HHAT: variants seen among roughly 807,000 people sequenced by gnomAD.
The protein encoded by HHAT is protein-cysteine N-palmitoyltransferase HHAT.
HHAT carries 47 observed loss-of-function variants against 70.8 expected under a neutral mutation model. That is an observed-to-expected ratio of 0.66 (90% CI 0.53 to 0.85). The LOEUF (loss-of-function observed/expected upper bound fraction) is 0.85. HHAT is among the 40% of genes least tolerant of loss of function. The pLI is 0.00. For synonymous variants in HHAT, 228 were observed against 247.6 expected, an observed-to-expected ratio of 0.92 and a Z score of 0.74; for missense variants, 609 against 604.8, an observed-to-expected ratio of 1.01 and a Z score of -0.07.
At chr1:210,592,879 C>CTTTTTTTTTTTTTTTT (rs35245794) in intron 10 of HHAT, among the ~76,000 whole-genome samples, 1 of 145,446 alleles carries the variant, frequency 6.9e-6, no homozygotes. Context: ...ACCAACTTTT[C>CTTTTTTTTTTTTTTTT]TTTTTTTTTT....
intron 9 of HHAT, among the ~76,000 whole-genome samples, chr1:210,572,088 T>C (rs1300506138): frequency 2.0e-5 from 3 of 152,250 alleles, no homozygotes; most frequent in African/African-American, 7.2e-5. Context: ...CTGGCACGGC[T>C]GTGTTGGCTA....
At chr1:210,426,207 T>A (rs1373194222) in intron 7 of HHAT, among the ~76,000 whole-genome samples, 3 of 152,226 alleles carry the variant, frequency 2.0e-5, no homozygotes, top group African/African-American at 7.2e-5. Context: ...TCCTGAGACT[T>A]TGCTGAAGTT....
intron 9 of HHAT, among the ~76,000 whole-genome samples, chr1:210,565,483 G>T (rs749095876): frequency 1.3e-5 from 2 of 152,156 alleles, no homozygotes; most frequent in African/African-American, 4.8e-5. Flanking sequence ...AAACAATGTG[G>T]CATTCCTAGT....
chr1:210,567,919 C>T (rs527699951), intron 9 of HHAT, among the ~76,000 whole-genome samples: 10 of 152,204 alleles, frequency 6.6e-5, no homozygotes, highest in Non-Finnish European at 1.5e-4. Flanking sequence ...ATCTTCCTCC[C>T]AGTTTCCTGA....
At chr1:210,476,214 G>A (rs1035907764) in intron 8 of HHAT, among the ~76,000 whole-genome samples, 1 of 152,150 alleles carries the variant, frequency 6.6e-6, no homozygotes, top group African/African-American at 2.4e-5. Flanking sequence ...GTTTTGTGTT[G>A]CTATGCAGAC....
At chr1:210,577,417 C>G (rs957982607) in intron 9 of HHAT, among the ~76,000 whole-genome samples, 2 of 152,034 alleles carry the variant, frequency 1.3e-5, no homozygotes, top group Non-Finnish European at 2.9e-5. Context: ...AATGCTTTTT[C>G]TCCATGTGTT....
At position 210,500,222 on chromosome 1, in the gene HHAT, C is replaced by T. The variant is rs543418660; in HGVS notation, c.1008-12931C>T. Reference sequence around the variant, plus strand: ...CCATAACGAACAGATTCATCAAACACATGTCATGAATAATCACTTGTTGTG... The same window carrying T: ...CCATAACGAACAGATTCATCAAACATATGTCATGAATAATCACTTGTTGTG... On this transcript the variant is annotated intron_variant, in intron 8 of 11. Coordinates refer to ENST00000261458, the MANE Select transcript of HHAT (RefSeq NM_018194.6). Among the ~76,000 whole-genome samples the T allele has an allele frequency of 8.5e-5, 13 of 152,316 alleles. No homozygotes were observed. The South Asian group carries it at 2.3e-3, about 27-fold the overall frequency.
chr1:210,432,025 T>C (rs948501357), intron 7 of HHAT, among the ~76,000 whole-genome samples: 2 of 151,888 alleles, frequency 1.3e-5, no homozygotes, highest in African/African-American at 4.9e-5. Context: ...TCTATATCTG[T>C]TTTCCTGATA....
chr1:210,531,675 C>G (rs2095316140), intron 9 of HHAT, among the ~76,000 whole-genome samples: 1 of 152,206 alleles, frequency 6.6e-6, no homozygotes, highest in African/African-American at 2.4e-5. Flanking sequence ...ATCTGTCCAT[C>G]AGTCCACAAT....
chr1:210,400,936 C>T (rs979204423), intron 5 of HHAT, among the ~76,000 whole-genome samples: 1 of 152,206 alleles, frequency 6.6e-6, no homozygotes, highest in Non-Finnish European at 1.5e-5. Flanking sequence ...CCAGATGTCA[C>T]AGGGCCAGAG....
intron 8 of HHAT, among the ~76,000 whole-genome samples, chr1:210,471,028 C>T (rs1450536332): frequency 1.3e-5 from 2 of 152,130 alleles, no homozygotes; most frequent in Non-Finnish European, 2.9e-5. Flanking sequence ...AATGCTGTAA[C>T]CGTAGCACCC....
At chr1:210,452,758 TATGGTAAATCC>T (rs542986054) in intron 7 of HHAT, among the ~76,000 whole-genome samples, 34 of 152,360 alleles carry the variant, frequency 2.2e-4, no homozygotes, top group African/African-American at 8.2e-4. Context: ...GGTGCTTCTC[TATGGTAAATCC>T]ATGGTAAATC....
At chr1:210,662,404 A>T (rs1396074286) in intron 11 of HHAT, among the ~76,000 whole-genome samples, 1 of 152,228 alleles carries the variant, frequency 6.6e-6, no homozygotes, top group Non-Finnish European at 1.5e-5. Flanking sequence ...TCCCTGTTTC[A>T]GGAAAGTGAC....
At chr1:210,550,320 A>G (rs2095517645) in intron 9 of HHAT, among the ~76,000 whole-genome samples, 2 of 149,438 alleles carry the variant, frequency 1.3e-5, no homozygotes, top group Non-Finnish European at 2.9e-5. Flanking sequence ...CACATGAAAG[A>G]GAAGAAATCT....
At chr1:210,409,797 G>A (rs1040560714) in intron 6 of HHAT, among the ~76,000 whole-genome samples, 4 of 152,206 alleles carry the variant, frequency 2.6e-5, no homozygotes, top group Non-Finnish European at 5.9e-5. Context: ...TATGCAATTT[G>A]CATGAAATTA....
chr1:210,618,706 A>C (rs12564439), intron 10 of HHAT, among the ~76,000 whole-genome samples: 14,264 of 151,766 alleles, frequency 0.094, 796 homozygotes, highest in East Asian at 0.17. Flanking sequence ...TCCCTTCCCC[A>C]TGTATGTTTC....
intron 4 of HHAT, among the ~76,000 whole-genome samples, chr1:210,389,594 C>G (rs150364629): frequency 5.9e-5 from 9 of 152,320 alleles, no homozygotes; most frequent in African/African-American, 2.2e-4. Flanking sequence ...CCCCACTTTG[C>G]TCATTCTCTC....
chr1:210,485,958 A>G (rs1166002658), intron 8 of HHAT, among the ~76,000 whole-genome samples: 1 of 152,148 alleles, frequency 6.6e-6, no homozygotes. Context: ...ATTGGGCCTC[A>G]ATTTCCTTTA....
At chr1:210,533,628 T>A (rs556091191) in intron 9 of HHAT, among the ~76,000 whole-genome samples, 1 of 152,072 alleles carries the variant, frequency 6.6e-6, no homozygotes, top group South Asian at 2.1e-4. Context: ...GGCAGGAGAG[T>A]GGCAGCATTT....
Sources: gnomAD v4.1 joint callset for allele counts (sites outside exome capture counted in the v4.1 genomes callset) on GRCh38, gnomAD v4.1.1 for gene constraint, MANE v1.5 for transcripts, NCBI Gene and HGNC (gene_info 2026-07-23, HGNC 2026-07-21) for gene names.